The following THSD7A variants were observed in gnomAD, a reference collection of about 807,000 sequenced individuals.
The protein encoded by THSD7A is thrombospondin type 1 domain containing 7A, also known as thrombospondin type-1 domain-containing protein 7A.
A neutral mutation model predicts 231.3 loss-of-function variants in THSD7A; 96 were observed. The observed-to-expected ratio is 0.41, with a 90% confidence interval of 0.35 to 0.49. The LOEUF (loss-of-function observed/expected upper bound fraction) is 0.49, where lower values mean the gene tolerates loss of function less well. Ranked by LOEUF, THSD7A falls within the 20% of genes least tolerant of loss-of-function variation. THSD7A has a pLI of 0.05. For missense variants in THSD7A, 2,290 were observed against 2,070.2 expected (o/e 1.11, Z -2.06); for synonymous variants, 940 against 743.3 (o/e 1.26, Z -4.30).
intron 1 of THSD7A, among the ~76,000 whole-genome samples, chr7:11,813,994 A>T (rs138809472): frequency 1.3e-5 from 2 of 152,170 alleles, no homozygotes; most frequent in Non-Finnish European, 2.9e-5. Context: ...AATACATGTA[A>T]AACATGGATG....
chr7:11,389,505 T>C (rs1183066504), intron 23 of THSD7A, among the ~76,000 whole-genome samples: 1 of 142,178 alleles, frequency 7.0e-6, no homozygotes, highest in Non-Finnish European at 1.5e-5. Context: ...ATTTTGAGCC[T>C]ATGTGTGTCT....
intron 7 of THSD7A, among the ~76,000 whole-genome samples, chr7:11,475,113 C>T (rs745702562): frequency 6.6e-6 from 1 of 152,072 alleles, no homozygotes; most frequent in Non-Finnish European, 1.5e-5. Context: ...GTGTAGAGTT[C>T]ACATCAGAAA....
intron 1 of THSD7A, among the ~76,000 whole-genome samples, chr7:11,676,317 C>A (rs1052743089): frequency 6.6e-6 from 1 of 152,106 alleles, no homozygotes; most frequent in African/African-American, 2.4e-5. Flanking sequence ...GAAAAACCAG[C>A]ACAAAAAGGC....
At chr7:11,651,809 T>C (rs1384519348) in intron 1 of THSD7A, among the ~76,000 whole-genome samples, 1 of 152,000 alleles carries the variant, frequency 6.6e-6, no homozygotes, top group Non-Finnish European at 1.5e-5. Context: ...TCATCTTAGT[T>C]TTAGTGGCTA....
chr7:11,773,065 T>C (rs1426584267), intron 1 of THSD7A, among the ~76,000 whole-genome samples: 1 of 152,184 alleles, frequency 6.6e-6, no homozygotes, highest in African/African-American at 2.4e-5. Context: ...GAAACCTCTG[T>C]GTACCTAAGA....
At chr7:11,389,042 A>G (rs937221226) in intron 23 of THSD7A, among the ~76,000 whole-genome samples, 1 of 152,164 alleles carries the variant, frequency 6.6e-6, no homozygotes. Context: ...CACTATTAGA[A>G]TAAGTGTGAT....
intron 6 of THSD7A, among the ~76,000 whole-genome samples, chr7:11,529,242 A>G (rs1053300873): frequency 6.6e-5 from 10 of 152,060 alleles, no homozygotes; most frequent in African/African-American, 2.4e-4. Flanking sequence ...AGGTGAAATA[A>G]TTTTTTTATT....
rs1782067658 is a variant in THSD7A, at chr7:11,371,869, A to G, written c.*3925T>C. The G allele has an allele frequency of 6.6e-6, 1 of 150,880 alleles. No individual in the cohort carries two copies. Among genetic ancestry groups the G allele is most frequent in the South Asian group, 2.1e-4 (1 of 4,794 alleles). The allele number at this position is 150,880 out of a possible 1,614,324, so 9.3% of individuals were successfully genotyped here. On this transcript the variant is annotated 3_prime_UTR_variant, in exon 28 of 28. Transcript: ENST00000423059. ...TCTGAGTGAGTGACACTTTGATTCT[A>G]ATAGGGAAGGAAATATAGGAATTCT...
chr7:11,753,488 G>C (rs1291744056), intron 1 of THSD7A, among the ~76,000 whole-genome samples: 1 of 151,778 alleles, frequency 6.6e-6, no homozygotes, highest in African/African-American at 2.4e-5. Context: ...TTAGGGGGTG[G>C]AAAGTCAAAC....
chr7:11,395,552 G>C (rs1198622427), intron 23 of THSD7A, among the ~76,000 whole-genome samples: 1 of 144,854 alleles, frequency 6.9e-6, no homozygotes, highest in East Asian at 2.0e-4. Context: ...TTTTGAGACA[G>C]AATCTTGCTC....
chr7:11,611,787 A>AACACACAC (rs56683135), intron 2 of THSD7A, among the ~76,000 whole-genome samples: 197 of 138,782 alleles, frequency 1.4e-3, no homozygotes, highest in East Asian at 0.012. Context: ...AGTACCATAA[A>AACACACAC]ACACACACAC....
At chr7:11,536,936 T>C (rs1261944185) in intron 6 of THSD7A, among the ~76,000 whole-genome samples, 1 of 152,156 alleles carries the variant, frequency 6.6e-6, no homozygotes, top group Non-Finnish European at 1.5e-5. Flanking sequence ...TGAAAAAAAA[T>C]TCAGTATTCA....
chr7:11,696,188 C>G (rs935699938), intron 1 of THSD7A, among the ~76,000 whole-genome samples: 1 of 151,236 alleles, frequency 6.6e-6, no homozygotes, highest in Non-Finnish European at 1.5e-5. Flanking sequence ...GGGCAAAGCT[C>G]TATGAATGTT....
rs547175883 is a variant in THSD7A, at chr7:11,733,888, A to G, written c.191-96927T>C. Among the ~76,000 whole-genome samples the G allele has an allele frequency of 4.0e-5, 6 of 151,840 alleles. No homozygotes were observed. In the East Asian group the frequency reaches 1.2e-3, roughly 30 times the overall value. ...ATTGTTAATGACACTATGGATTGCA[A>G]CCTTCTCTCCCTCTACACTCCTATG... On this transcript the variant is annotated intron_variant, in intron 1 of 27. Coordinates refer to ENST00000423059, the MANE Select transcript of THSD7A (RefSeq NM_015204.3).
intron 1 of THSD7A, among the ~76,000 whole-genome samples, chr7:11,778,435 T>G (rs559907846): frequency 1.5e-3 from 235 of 152,214 alleles, no homozygotes; most frequent in African/African-American, 5.1e-3. Flanking sequence ...CATATATATT[T>G]TTAATGAATT....
intron 6 of THSD7A, among the ~76,000 whole-genome samples, chr7:11,504,806 G>A (rs760457968): frequency 2.7e-5 from 4 of 150,666 alleles, no homozygotes; most frequent in African/African-American, 4.9e-5. Context: ...CTTCTGGATG[G>A]TTTAAAAAGA....
At chr7:11,786,963 G>A (rs1783813605) in intron 1 of THSD7A, among the ~76,000 whole-genome samples, 1 of 151,992 alleles carries the variant, frequency 6.6e-6, no homozygotes, top group African/African-American at 2.4e-5. Flanking sequence ...TGACATGAGT[G>A]CTTGGCTCTA....
chr7:11,723,365 A>G (rs1177354911), intron 1 of THSD7A, among the ~76,000 whole-genome samples: 1 of 151,688 alleles, frequency 6.6e-6, no homozygotes, highest in Non-Finnish European at 1.5e-5. Context: ...TAGGTGGTAT[A>G]CCTAATGTTA....
chr7:11,568,638 A>AAG, intron 4 of THSD7A, among the ~76,000 whole-genome samples: 1 of 145,204 alleles, frequency 6.9e-6, no homozygotes, highest in Non-Finnish European at 1.5e-5. Context: ...AAAAAAAAAA[A>AAG]AAAAAAAAAA....
Sources: gnomAD v4.1 joint callset for allele counts (sites outside exome capture counted in the v4.1 genomes callset) on GRCh38, gnomAD v4.1.1 for gene constraint, MANE v1.5 for transcripts, NCBI Gene and HGNC (gene_info 2026-07-23, HGNC 2026-07-21) for gene names.